Variants in CRACR2A observed in about 807,000 individuals in gnomAD.
CRACR2A encodes calcium release activated channel regulator 2A.
A neutral mutation model predicts 90.5 loss-of-function variants in CRACR2A; 79 were observed. That is an observed-to-expected ratio of 0.87 (90% CI 0.73 to 1.05). The LOEUF is 1.05. Among genes scored for constraint, CRACR2A ranks in the 50% least tolerant of loss-of-function variants. The pLI, the probability that CRACR2A is intolerant of heterozygous loss-of-function variation, is 0.00. For missense variants in CRACR2A, 823 were observed against 897.2 expected (o/e 0.92, Z 1.06); for synonymous variants, 338 against 356.7 (o/e 0.95, Z 0.59).
chr12:3,729,969 A>C (rs1468096216), intron 2 of CRACR2A: 2 of 152,180 alleles, frequency 1.3e-5, no homozygotes, highest in Admixed American at 1.3e-4. Context: ...GTCTCCATGC[A>C]ATTACTCAGA....
chr12:3,713,571 C>A (rs1019330481), intron 2 of CRACR2A, among the ~76,000 whole-genome samples: 11 of 152,128 alleles, frequency 7.2e-5, no homozygotes, highest in Non-Finnish European at 7.4e-5. Flanking sequence ...TGGGAGCAGG[C>A]CCTTGTGCAT....
At chr12:3,747,839 TCTAA>T (rs1408111717) in intron 1 of CRACR2A, among the ~76,000 whole-genome samples, 2 of 151,956 alleles carry the variant, frequency 1.3e-5, no homozygotes, top group African/African-American at 2.4e-5. Flanking sequence ...TCACCTTTCC[TCTAA>T]CTAAGCCCAG....
At chr12:3,621,057 A>C (rs1240846296) in intron 17 of CRACR2A, among the ~76,000 whole-genome samples, 1 of 152,210 alleles carries the variant, frequency 6.6e-6, no homozygotes, top group Non-Finnish European at 1.5e-5. Flanking sequence ...GGAAGCAGGG[A>C]AATGGGCCAA....
At chr12:3,704,459 A>G (rs968458799) in intron 3 of CRACR2A, among the ~76,000 whole-genome samples, 5 of 152,218 alleles carry the variant, frequency 3.3e-5, no homozygotes, top group Non-Finnish European at 7.4e-5. Context: ...AATATGATAT[A>G]TGATTCCATG....
chr12:3,740,351 C>G (rs1946505997), intron 1 of CRACR2A, among the ~76,000 whole-genome samples: 1 of 146,918 alleles, frequency 6.8e-6, no homozygotes, highest in South Asian at 2.1e-4. Flanking sequence ...TCCGGGGAAA[C>G]AGATAAAGTC....
intron 3 of CRACR2A, among the ~76,000 whole-genome samples, chr12:3,698,134 T>C (rs1380719685): frequency 6.6e-6 from 1 of 152,234 alleles, no homozygotes; most frequent in African/African-American, 2.4e-5. Context: ...ATGTTATTAA[T>C]ACAAAACTAA....
intron 2 of CRACR2A, among the ~76,000 whole-genome samples, chr12:3,719,284 C>T (rs1942798242): frequency 6.6e-6 from 1 of 152,168 alleles, no homozygotes; most frequent in South Asian, 2.1e-4. Flanking sequence ...GCATATTCCC[C>T]CATGTCACCG....
intron 8 of CRACR2A, among the ~76,000 whole-genome samples, chr12:3,657,889 C>T (rs768360972): frequency 1.2e-4 from 19 of 152,150 alleles, no homozygotes; most frequent in East Asian, 1.9e-4. Flanking sequence ...ACTTCCTTCA[C>T]GGTCAAACAA....
intron 12 of CRACR2A, 74 bp downstream of exon 12, chr12:3,644,521 C>G: frequency 6.9e-7 from 1 of 1,454,916 alleles, no homozygotes; most frequent in Non-Finnish European, 9.4e-7. Flanking sequence ...CTGGGCCAGT[C>G]TCGACATGGA....
intron 1 of CRACR2A, among the ~76,000 whole-genome samples, chr12:3,741,367 A>T (rs1020859890): frequency 1.3e-5 from 2 of 152,224 alleles, no homozygotes; most frequent in Admixed American, 1.3e-4. Context: ...AAAAACACTG[A>T]TGACTGAGCC....
chr12:3,658,516 A>G (rs1944959732), intron 8 of CRACR2A, among the ~76,000 whole-genome samples: 1 of 152,166 alleles, frequency 6.6e-6, no homozygotes, highest in Non-Finnish European at 1.5e-5. Context: ...GCGCTACAAG[A>G]GGGAGGAGGC....
chr12:3,704,156 T>C (rs2137737366), intron 3 of CRACR2A, among the ~76,000 whole-genome samples: 1 of 152,268 alleles, frequency 6.6e-6, no homozygotes, highest in Non-Finnish European at 1.5e-5. Flanking sequence ...CAAAAAACAA[T>C]GACCCAAATG....
rs569069291 is a variant in CRACR2A, at chr12:3,621,000, G to A, written c.1933-1628C>T. ...CCCTCCTCTGACCGTGCTGTGCCAC[G>A]GGATACTTGTGCGAAGAGCTTTTCA... is the stretch of plus-strand genomic sequence containing the variant. On this transcript the variant is annotated intron_variant, in intron 17 of 19. Coordinates refer to ENST00000440314, the MANE Select transcript of CRACR2A (RefSeq NM_001144958.2). Among the ~76,000 whole-genome samples the A allele has an allele frequency of 7.2e-5, 11 of 152,316 alleles. No homozygotes were observed. The South Asian group carries it at 1.7e-3, about 23-fold the overall frequency.
intron 7 of CRACR2A, among the ~76,000 whole-genome samples, chr12:3,660,920 T>C (rs1006006361): frequency 2.0e-5 from 3 of 150,892 alleles, no homozygotes; most frequent in Non-Finnish European, 2.9e-5. Flanking sequence ...ACTTAAATGA[T>C]GGCAAGCCCA....
chr12:3,617,069 G>A, intron 18 of CRACR2A, 39 bp from the exon 19 acceptor site: 12 of 1,482,536 alleles, frequency 8.1e-6, no homozygotes, highest in South Asian at 1.2e-5. Context: ...GAGTATTGGA[G>A]TGAGAGGGGA....
At chr12:3,628,153 T>TC (rs1051517295) in intron 15 of CRACR2A, among the ~76,000 whole-genome samples, 1 of 137,472 alleles carries the variant, frequency 7.3e-6, no homozygotes, top group East Asian at 2.5e-4. Flanking sequence ...TCCCTCCCTC[T>TC]CCCCCAACTC....
chr12:3,629,855 G>T (rs999438935), intron 15 of CRACR2A, among the ~76,000 whole-genome samples: 110 of 151,118 alleles, frequency 7.3e-4, no homozygotes, highest in African/African-American at 2.3e-3. Flanking sequence ...ACAAGGGGGG[G>T]GGGGGATGAA....
At chr12:3,730,652 T>G (rs1027545974) in intron 2 of CRACR2A, 3 of 152,132 alleles carry the variant, frequency 2.0e-5, no homozygotes, top group African/African-American at 4.8e-5. Context: ...CTCCACATAC[T>G]GAGAGGGAAA....
chr12:3,736,067 G>A (rs1270675641), intron 1 of CRACR2A, among the ~76,000 whole-genome samples: 1 of 152,082 alleles, frequency 6.6e-6, no homozygotes, highest in African/African-American at 2.4e-5. Flanking sequence ...ATGGGGTGAG[G>A]CAGGGAGGTG....
Sources: gnomAD v4.1 joint callset for allele counts (sites outside exome capture counted in the v4.1 genomes callset) on GRCh38, gnomAD v4.1.1 for gene constraint, MANE v1.5 for transcripts, NCBI Gene and HGNC (gene_info 2026-07-23, HGNC 2026-07-21) for gene names.